The following CCDC178 variants were observed in gnomAD, a reference collection of about 807,000 sequenced individuals.
The protein encoded by CCDC178 is coiled-coil domain containing 178.
In CCDC178, 126 loss-of-function variants were observed where a neutral mutation model predicts 117.4. The observed-to-expected ratio is 1.07, with a 90% confidence interval of 0.93 to 1.24. CCDC178 has a LOEUF of 1.24. Among genes scored for constraint, CCDC178 ranks in the 50% most tolerant of loss-of-function variants. The pLI, the probability that CCDC178 is intolerant of heterozygous loss-of-function variation, is 0.00. For synonymous variants in CCDC178, 283 were observed against 313.4 expected (o/e 0.90, Z 1.02); for missense variants, 1,030 against 986.9 (o/e 1.04, Z -0.59).
rs566539071 is a variant in CCDC178, at chr18:33,165,221, C to A, written c.2238+46675G>T. Among the ~76,000 whole-genome samples, 3 of 152,172 alleles carry A rather than the reference C, an allele frequency of 2.0e-5. No individual in the cohort carries two copies. In the East Asian group the frequency reaches 5.8e-4, roughly 29 times the overall value. On this transcript the variant is annotated intron_variant, in intron 20 of 22. Transcript: ENST00000383096. ...CAAAAAAAAACAGCTGAGTGCAGTG[C>A]ACATGCCTGTAGTCTGAGCTGCCCC...
At chr18:33,213,947 T>C (rs2059135484) in intron 19 of CCDC178, among the ~76,000 whole-genome samples, 1 of 152,096 alleles carries the variant, frequency 6.6e-6, no homozygotes, top group Non-Finnish European at 1.5e-5. Flanking sequence ...CCTGGCAGTA[T>C]GCCCACTATG....
intron 20 of CCDC178, among the ~76,000 whole-genome samples, chr18:33,164,960 GT>G (rs1323568190): frequency 2.6e-5 from 4 of 152,170 alleles, no homozygotes; most frequent in South Asian, 4.1e-4. Context: ...TGGTGTATTA[GT>G]TTGTGGAGTT....
intron 22 of CCDC178, among the ~76,000 whole-genome samples, chr18:32,956,189 T>C (rs1037320883): frequency 6.6e-6 from 1 of 152,172 alleles, no homozygotes; most frequent in Admixed American, 6.5e-5. Flanking sequence ...AGGAATTCAA[T>C]GGCTAAGATC....
chr18:33,407,441 T>G (rs981825308), intron 3 of CCDC178, among the ~76,000 whole-genome samples: 2 of 151,938 alleles, frequency 1.3e-5, no homozygotes, highest in African/African-American at 4.8e-5. Flanking sequence ...TATCCCAAAT[T>G]CATAAAATAC....
At chr18:32,939,306 G>T (rs1396169312) in intron 22 of CCDC178, among the ~76,000 whole-genome samples, 1 of 149,994 alleles carries the variant, frequency 6.7e-6, no homozygotes, top group African/African-American at 2.5e-5. Flanking sequence ...TTTCTTCTAG[G>T]AATAGGAACA....
chr18:33,118,877 A>G (rs548956114), intron 20 of CCDC178, among the ~76,000 whole-genome samples: 6 of 152,296 alleles, frequency 3.9e-5, no homozygotes, highest in African/African-American at 1.4e-4. Context: ...AGCCCTCAGA[A>G]ATACCACACA....
chr18:33,235,095 C>T (rs1375781676), intron 15 of CCDC178, among the ~76,000 whole-genome samples: 1 of 152,026 alleles, frequency 6.6e-6, no homozygotes, highest in Non-Finnish European at 1.5e-5. Flanking sequence ...GCCTATAAAC[C>T]TTGTCTCAGA....
At chr18:33,086,396 G>T (rs957827674) in intron 21 of CCDC178, among the ~76,000 whole-genome samples, 1 of 146,360 alleles carries the variant, frequency 6.8e-6, no homozygotes, top group Non-Finnish European at 1.5e-5. Flanking sequence ...ATATATACAT[G>T]TATGTATATA....
intron 9 of CCDC178, among the ~76,000 whole-genome samples, chr18:33,344,596 T>C (rs1403087849): frequency 6.7e-6 from 1 of 150,068 alleles, no homozygotes; most frequent in African/African-American, 2.4e-5. Context: ...GTATATGAGA[T>C]TATATGTAAA....
chr18:33,042,538 A>G (rs2056567999), intron 21 of CCDC178, among the ~76,000 whole-genome samples: 1 of 151,918 alleles, frequency 6.6e-6, no homozygotes, highest in Admixed American at 6.6e-5. Context: ...CAATATATGT[A>G]TCTTTATTAT....
intron 20 of CCDC178, among the ~76,000 whole-genome samples, chr18:33,152,575 A>T (rs1164080791): frequency 2.0e-5 from 3 of 152,024 alleles, no homozygotes; most frequent in Non-Finnish European, 4.4e-5. Context: ...ATGGGGCCAC[A>T]ACCATCTCAG....
At chr18:32,948,852 G>A (rs944041135) in intron 22 of CCDC178, among the ~76,000 whole-genome samples, 6 of 152,006 alleles carry the variant, frequency 3.9e-5, no homozygotes, top group South Asian at 2.1e-4. Flanking sequence ...CCAATCATTC[G>A]CTTCAGGAGA....
rs771437193 is a variant in CCDC178, at chr18:33,224,837, G to A, written c.1756C>T (p.Pro586Ser). 17 of 1,575,988 alleles carry A rather than the reference G, an allele frequency of 1.1e-5. No homozygotes were observed. In the Admixed American group the frequency reaches 2.9e-4, roughly 27 times the overall value. Residue 586 changes from proline to serine, a missense_variant, in exon 17 of 23, where the codon CCT becomes TCT. Transcript: ENST00000383096. The part of the protein sequence containing the change: ...CAMSLAELQE[P>S]LLQLEDEAER... ...GCTTCATCTTCTAGTTGAAGCAGAGGTTCCTGTAGTTCTGCCAGTGACATG... is the reference window on the plus strand; with the variant it reads ...GCTTCATCTTCTAGTTGAAGCAGAGATTCCTGTAGTTCTGCCAGTGACATG...
In CCDC178 at chr18:33,266,999, A is replaced by C; in HGVS notation, c.1326T>G (p.Ile442Met). ...CCGTCAGTTTTGTACATGCCAAAGA[A>C]ATAGCTGAAAAATCTTTTGCAACAT... ...LSDVAKDFSA[I>M]SLACTKLTED... is the part of the protein sequence containing the mutation. The change falls in exon 14 of 23, where the codon ATT becomes ATG. Residue 442 changes from isoleucine (I) to methionine (M), a missense_variant. Physicochemically the swap from Ile to Met is conservative, Grantham distance 10 (BLOSUM62 1). Transcript: ENST00000383096. 3 of 1,601,606 alleles carry C rather than the reference A, an allele frequency of 1.9e-6. No homozygotes were observed. The highest frequency in any genetic ancestry group is 2.6e-6 in the Non-Finnish European group (3 of 1,176,452).
At chr18:33,355,568 A>G (rs2063042492) in intron 7 of CCDC178, among the ~76,000 whole-genome samples, 2 of 152,016 alleles carry the variant, frequency 1.3e-5, no homozygotes, top group African/African-American at 2.4e-5. Context: ...TTTTTTGAAC[A>G]TTTTTCCAGC....
chr18:33,170,750 A>C (rs1017501971), intron 20 of CCDC178, among the ~76,000 whole-genome samples: 6 of 152,180 alleles, frequency 3.9e-5, no homozygotes, highest in Non-Finnish European at 8.8e-5. Context: ...AAACCACTTA[A>C]CTAGCTCAAG....
At chr18:33,415,324 G>A (rs1217064030) in intron 2 of CCDC178, among the ~76,000 whole-genome samples, 6 of 152,234 alleles carry the variant, frequency 3.9e-5, no homozygotes, top group South Asian at 2.1e-4. Context: ...ATGATAGACC[G>A]GATTAAGAAA....
At chr18:33,314,398 G>C (rs2062390039) in intron 11 of CCDC178, among the ~76,000 whole-genome samples, 1 of 151,940 alleles carries the variant, frequency 6.6e-6, no homozygotes, top group Non-Finnish European at 1.5e-5. Flanking sequence ...ACACCAACCA[G>C]ACAGACCCTC....
intron 11 of CCDC178, among the ~76,000 whole-genome samples, chr18:33,301,558 A>G (rs1362019645): frequency 6.6e-6 from 1 of 152,232 alleles, no homozygotes; most frequent in East Asian, 1.9e-4. Flanking sequence ...CACCTTGCAA[A>G]GCCACAAGAA....
Sources: gnomAD v4.1 joint callset for allele counts (sites outside exome capture counted in the v4.1 genomes callset) on GRCh38, gnomAD v4.1.1 for gene constraint, MANE v1.5 for transcripts, NCBI Gene and HGNC (gene_info 2026-07-23, HGNC 2026-07-21) for gene names.